Variants in TBC1D1 observed in about 807,000 individuals in gnomAD.
TBC1D1 encodes TBC1 domain family member 1.
A neutral mutation model predicts 125.6 loss-of-function variants in TBC1D1; 89 were observed. The ratio of observed to expected loss-of-function variants is 0.71; its 90% CI spans 0.60 to 0.85. TBC1D1 has a LOEUF of 0.85. TBC1D1 is among the 40% of genes least tolerant of loss of function. TBC1D1 has a pLI of 0.00. For missense variants in TBC1D1, 1,377 were observed against 1,469.2 expected (o/e 0.94, Z 1.03); for synonymous variants, 565 against 564.1 (o/e 1.00, Z -0.02).
chr4:37,926,737 CTG>C (rs1256553382), intron 2 of TBC1D1, among the ~76,000 whole-genome samples: 2 of 152,258 alleles, frequency 1.3e-5, no homozygotes, highest in Non-Finnish European at 2.9e-5. Context: ...GCCACCAACT[CTG>C]TGTTACACAG....
intron 2 of TBC1D1, among the ~76,000 whole-genome samples, chr4:37,908,326 C>T (rs138040028): frequency 3.7e-4 from 57 of 152,214 alleles, no homozygotes; most frequent in African/African-American, 1.3e-3. Flanking sequence ...CTGTTTCAGA[C>T]TCCTGAGTAG....
intron 2 of TBC1D1, among the ~76,000 whole-genome samples, chr4:37,983,838 G>T (rs911760727): frequency 2.6e-5 from 4 of 152,158 alleles, no homozygotes; most frequent in Admixed American, 2.6e-4. Flanking sequence ...GTATAATGAC[G>T]TATATCCAGC....
chr4:37,945,106 T>G (rs1037008415), intron 2 of TBC1D1, among the ~76,000 whole-genome samples: 1 of 152,114 alleles, frequency 6.6e-6, no homozygotes, highest in Non-Finnish European at 1.5e-5. Context: ...AACAGAATAA[T>G]GTACTTATAG....
intron 2 of TBC1D1, among the ~76,000 whole-genome samples, chr4:37,938,901 A>T (rs1478302158): frequency 6.6e-6 from 1 of 152,208 alleles, no homozygotes; most frequent in Non-Finnish European, 1.5e-5. Flanking sequence ...TATATGGGCC[A>T]CACTTTCTTA....
intron 2 of TBC1D1, among the ~76,000 whole-genome samples, chr4:37,973,146 C>A (rs1024672475): frequency 6.6e-6 from 1 of 152,130 alleles, no homozygotes; most frequent in African/African-American, 2.4e-5. Flanking sequence ...CTCCTACTTT[C>A]CCATGAGATT....
At chr4:38,132,524 G>A (rs977382103) in intron 18 of TBC1D1, among the ~76,000 whole-genome samples, 1 of 152,220 alleles carries the variant, frequency 6.6e-6, no homozygotes, top group Non-Finnish European at 1.5e-5. Context: ...TCACTCATCT[G>A]TGTGGGTGAC....
intron 2 of TBC1D1, among the ~76,000 whole-genome samples, chr4:37,966,656 A>T (rs1731133526): frequency 6.6e-6 from 1 of 152,126 alleles, no homozygotes; most frequent in African/African-American, 2.4e-5. Flanking sequence ...TTATACTTTA[A>T]GTTCTAGGAT....
At chr4:38,035,790 CT>C (rs1012368326) in intron 8 of TBC1D1, 92 bp downstream of exon 8, 107 of 894,114 alleles carry the variant, frequency 1.2e-4, no homozygotes, top group Middle Eastern at 4.3e-4. Flanking sequence ...ACTCTGATAC[CT>C]TTTTTTCTCC....
chr4:38,028,545 T>C (rs1176122722), intron 7 of TBC1D1, among the ~76,000 whole-genome samples: 1 of 152,244 alleles, frequency 6.6e-6, no homozygotes, highest in Non-Finnish European at 1.5e-5. Flanking sequence ...ATGTTGGACA[T>C]GCTTGGCTTA....
At chr4:38,037,545 A>G (rs1747458120) in intron 8 of TBC1D1, among the ~76,000 whole-genome samples, 1 of 152,126 alleles carries the variant, frequency 6.6e-6, no homozygotes, top group Non-Finnish European at 1.5e-5. Context: ...AGATTCACTG[A>G]TAGATCCTTT....
At chr4:37,958,005 T>A (rs1223054680) in intron 2 of TBC1D1, among the ~76,000 whole-genome samples, 1 of 152,230 alleles carries the variant, frequency 6.6e-6, no homozygotes, top group Non-Finnish European at 1.5e-5. Context: ...CATACTTATA[T>A]GTTTTTTAAA....
intron 1 of TBC1D1, among the ~76,000 whole-genome samples, chr4:37,898,395 A>G (rs1007704533): frequency 6.6e-6 from 1 of 152,224 alleles, no homozygotes; most frequent in East Asian, 1.9e-4. Flanking sequence ...ATGACTCTCC[A>G]TGGGTCCTTC....
intron 17 of TBC1D1, among the ~76,000 whole-genome samples, chr4:38,121,759 A>G (rs1049518241): frequency 2.0e-5 from 3 of 152,186 alleles, no homozygotes; most frequent in Admixed American, 1.3e-4. Flanking sequence ...AAGATACCGG[A>G]AGACAGGCAA....
At chr4:38,037,942 G>A (rs1049601678) in intron 8 of TBC1D1, among the ~76,000 whole-genome samples, 7 of 152,144 alleles carry the variant, frequency 4.6e-5, no homozygotes, top group African/African-American at 1.7e-4. Flanking sequence ...TGGACTTGTC[G>A]TTTCCACCTG....
intron 14 of TBC1D1, among the ~76,000 whole-genome samples, 164 bp downstream of exon 16, chr4:38,096,254 A>G (rs936260112): frequency 6.6e-6 from 1 of 152,182 alleles, no homozygotes; most frequent in African/African-American, 2.4e-5. Flanking sequence ...CATGAGTTTC[A>G]CCACCTTTCA....
intron 12 of TBC1D1, among the ~76,000 whole-genome samples, chr4:38,078,748 ATG>A (rs1756030874): frequency 6.6e-6 from 1 of 152,162 alleles, no homozygotes; most frequent in Non-Finnish European, 1.5e-5. Flanking sequence ...TGAGAAACAA[ATG>A]TGTGTTGTTT....
intron 17 of TBC1D1, among the ~76,000 whole-genome samples, chr4:38,124,199 T>A (rs1764284746): frequency 1.7e-5 from 1 of 60,210 alleles, no homozygotes; most frequent in Admixed American, 2.2e-4. Flanking sequence ...TGGCTCTGCT[T>A]TAACCCCAGG....
At chr4:38,066,227 CT>C (rs1246650905) in intron 12 of TBC1D1, among the ~76,000 whole-genome samples, 4 of 148,088 alleles carry the variant, frequency 2.7e-5, no homozygotes, top group African/African-American at 7.5e-5. Context: ...AATGTTAACT[CT>C]TGCTAATAAA....
At chr4:37,934,437 G>A (rs1289159874) in intron 2 of TBC1D1, among the ~76,000 whole-genome samples, 1 of 152,142 alleles carries the variant, frequency 6.6e-6, no homozygotes, top group Non-Finnish European at 1.5e-5. Context: ...AAAACGGGAG[G>A]GAGCGAAGAG....
Sources: allele counts gnomAD v4.1 joint callset (sites outside exome capture counted in the v4.1 genomes callset), GRCh38; gene constraint gnomAD v4.1.1; transcripts MANE v1.5; gene names NCBI Gene and HGNC (gene_info 2026-07-23, HGNC 2026-07-21).